The following CAPN1 variants were observed in gnomAD, a reference collection of about 807,000 sequenced individuals.
CAPN1 encodes the protein calpain 1, also known as calpain-1 catalytic subunit.
A neutral mutation model predicts 105.2 loss-of-function variants in CAPN1; 77 were observed. The ratio of observed to expected loss-of-function variants is 0.73; its 90% confidence interval spans 0.61 to 0.88. The LOEUF (loss-of-function observed/expected upper bound fraction) is 0.88, where lower values mean the gene tolerates loss of function less well. Ranked by LOEUF, CAPN1 falls within the 40% of genes least tolerant of loss-of-function variation. The probability of loss-of-function intolerance (pLI) is 0.00; values close to 1 mark genes in which losing one functional copy is unlikely to be tolerated. For synonymous variants in CAPN1, 355 were observed against 388.8 expected (o/e 0.91, Z 1.02); for missense variants, 833 against 976.6 (o/e 0.85, Z 1.96).
Position 65,208,429 on chromosome 11 carries a change from T to C in CAPN1, c.1729+167T>C. On this transcript the variant is annotated intron_variant, in intron 16 of 21. Transcript: ENST00000279247. The surrounding 1 kb of genome is among the most constrained non-coding windows in gnomAD (Gnocchi z 4.1). ...TGCCATTTCCATCCCATACTCCTCC[T>C]CCTGACCTGCCATCCTGATAATCCC... 4.4e-6 allele frequency: 3 copies of C among 678,648 alleles called. No individual in the cohort carries two copies. Among genetic ancestry groups the C allele is most frequent in the South Asian group, 3.5e-5 (2 of 57,754 alleles). 42.0% of individuals were successfully genotyped at this position (678,648 alleles called of 1,614,324 possible).
intron 14 of CAPN1, 66 bp downstream of exon 14, chr11:65,206,885 A>G: frequency 4.7e-6 from 7 of 1,490,228 alleles, no homozygotes; most frequent in Non-Finnish European, 6.4e-6. Context: ...TGTGATGGGG[A>G]CCCAGGTGTC....
chr11:65,186,097 G>A, intron 5 of CAPN1, 47 bp downstream of exon 5: 1 of 1,607,332 alleles, frequency 6.2e-7, no homozygotes, highest in Non-Finnish European at 8.5e-7. Context: ...CTCCCCCTAG[G>A]GGTGGGGGCT....
chr11:65,206,266 G>C (rs778892414), intron 12 of CAPN1, 197 bp from the exon 13 acceptor site: 3 of 601,714 alleles, frequency 5.0e-6, no homozygotes, highest in East Asian at 2.8e-5. Context: ...TCTGCAGTGA[G>C]TAGGGTTGTT....
rs1038317241 is a variant in CAPN1 at position 65,205,317 on chromosome 11, C to T, written c.1342-393C>T. On this transcript the variant is annotated intron_variant, in intron 11 of 21. Coordinates refer to ENST00000279247, the MANE Select transcript of CAPN1 (RefSeq NM_005186.4). ...TGCCCTGTATCTGCCCTGCTTCACA[C>T]ACTGCCCTCAAGACAGGGAGAGAAA... 3.3e-5 allele frequency among the ~76,000 whole-genome samples: 5 copies of T among 152,214 alleles called. No homozygotes were observed. In the South Asian group the frequency reaches 1.0e-3, roughly 32 times the overall value.
At chr11:65,183,277 C>A (rs1948574585) in intron 3 of CAPN1, 80 bp downstream of exon 3, 1 of 1,376,490 alleles carries the variant, frequency 7.3e-7, no homozygotes, top group Non-Finnish European at 1.0e-6. Flanking sequence ...TCTGCCCCAA[C>A]CCCTCCCTCT....
chr11:65,183,709 A>G, intron 4 of CAPN1, 117 bp downstream of exon 4: 1 of 692,464 alleles, frequency 1.4e-6, no homozygotes, highest in South Asian at 1.7e-5. Context: ...TCTAGCAGGT[A>G]TTTGACCTCT....
At chr11:65,187,768 T>G (rs1948656866) in intron 7 of CAPN1, 187 bp from the exon 8 acceptor site, 2 of 525,734 alleles carry the variant, frequency 3.8e-6, no homozygotes. Flanking sequence ...GTGCCTGTAA[T>G]TCCAGCTATT....
Position 65,209,365 on chromosome 11 carries a change from G to A in CAPN1, c.1772G>A (p.Arg591His), listed in dbSNP as rs190935218. 5.6e-5 allele frequency: 90 copies of A among 1,613,692 alleles called. No individual in the cohort carries two copies. The East Asian group carries it at 1.1e-3, about 20-fold the overall frequency. Reference protein sequence around the residue: ...RTKGFSLESCRSMVNLMDRDG... With the variant: ...RTKGFSLESCHSMVNLMDRDG... ...AAGGGCTTCAGCCTAGAGTCGTGCC[G>A]CAGCATGGTGAACCTCATGGATGTA... Residue 591 changes from arginine to histidine, a missense_variant, in exon 17 of 22, where the codon CGC becomes CAC. Transcript: ENST00000279247. The surrounding 1 kb of genome is among the most constrained non-coding windows in gnomAD (Gnocchi z 4.1).
rs1187462600 is a variant in CAPN1, at chr11:65,208,629, A to C, written c.1729+367A>C. 3 of 343,724 alleles carry C rather than the reference A, an allele frequency of 8.7e-6. No homozygotes were observed. The highest frequency in any genetic ancestry group is 1.7e-5 in the Non-Finnish European group (3 of 177,128). 21.3% of individuals were successfully genotyped at this position (343,724 alleles called of 1,614,324 possible). ...CCTGTCTCTGCAAAAAAGTACAAAAATTAGCTGGGCGTGGTGGCATGCACC... is the reference window on the plus strand; with the variant it reads ...CCTGTCTCTGCAAAAAAGTACAAAACTTAGCTGGGCGTGGTGGCATGCACC... On this transcript the variant is annotated intron_variant, in intron 16 of 21. Coordinates refer to ENST00000279247, the MANE Select transcript of CAPN1 (RefSeq NM_005186.4). The surrounding 1 kb of genome is among the most constrained non-coding windows in gnomAD (Gnocchi z 4.1).
chr11:65,187,456 C>T (rs1948651467), intron 7 of CAPN1, 158 bp downstream of exon 7: 2 of 616,584 alleles, frequency 3.2e-6, no homozygotes, highest in South Asian at 1.9e-5. Context: ...TCTGAGATGC[C>T]TATCATGTCC....
chr11:65,193,380 G>T (rs1288818296), intron 10 of CAPN1, among the ~76,000 whole-genome samples: 1 of 151,888 alleles, frequency 6.6e-6, no homozygotes, highest in Non-Finnish European at 1.5e-5. Context: ...AATCCTGCAA[G>T]AAGTTTGTCA....
rs142481423 is a variant in CAPN1, at chr11:65,202,368, C to T, written c.1166-2315C>T. Reference sequence around the variant, plus strand: ...CATACAAGTCACCTATTTAAAGTTGCAATTTAAATATACTATTAAATATAC... The same window carrying T: ...CATACAAGTCACCTATTTAAAGTTGTAATTTAAATATACTATTAAATATAC... On this transcript the variant is annotated intron_variant, in intron 10 of 21. Transcript: ENST00000279247. 3.0e-3 allele frequency among the ~76,000 whole-genome samples: 461 copies of T among 152,240 alleles called. 3 individuals carry two copies. The highest frequency in any genetic ancestry group is 0.011 in the African/African-American group (445 of 41,548).
At chr11:65,183,918 G>A (rs1361794607) in intron 4 of CAPN1, among the ~76,000 whole-genome samples, 4 of 152,146 alleles carry the variant, frequency 2.6e-5, no homozygotes, top group African/African-American at 7.2e-5. Context: ...AGGAGTGTTC[G>A]CTGGGGAAAA....
chr11:65,184,533 GT>G (rs1948604527), intron 4 of CAPN1, among the ~76,000 whole-genome samples: 1 of 151,102 alleles, frequency 6.6e-6, no homozygotes, highest in African/African-American at 2.4e-5. Flanking sequence ...CGAGTCCTTG[GT>G]CGCTTCTGAC....
Position 65,209,764 on chromosome 11 carries a change from C to T in CAPN1, c.1795-85C>T, listed in dbSNP as rs1037568408. ...CCAGCCCCAAGTCGACTTGCCGGCT[C>T]GGCGGCCATCTCCCCTTCTGCACAG... On this transcript the variant is annotated intron_variant, in intron 17 of 21. Transcript: ENST00000279247. This position sits in a 1 kb window ranked among gnomAD's most constrained non-coding sequence, Gnocchi z 4.1. 65 of 1,354,256 alleles carry T rather than the reference C, an allele frequency of 4.8e-5. No individual in the cohort carries two copies. The highest frequency in any genetic ancestry group is 1.9e-4 in the African/African-American group (13 of 69,568). The allele number at this position is 1,354,256 out of a possible 1,614,324, so 83.9% of individuals were successfully genotyped here. A position where few individuals can be genotyped will look rare whatever the true frequency, so the allele number is the denominator to read the frequency against.
intron 2 of CAPN1, 23 bp downstream of exon 2, chr11:65,182,991 G>A: frequency 6.2e-7 from 1 of 1,612,748 alleles, no homozygotes; most frequent in Non-Finnish European, 8.5e-7. Flanking sequence ...ATCCTGGGTG[G>A]GACTCGGCTA....
chr11:65,198,300 A>G (rs921954575), intron 10 of CAPN1, among the ~76,000 whole-genome samples: 1 of 152,034 alleles, frequency 6.6e-6, no homozygotes, highest in Non-Finnish European at 1.5e-5. Flanking sequence ...GCACACCACC[A>G]TGCCTGGCTA....
Position 65,186,668 on chromosome 11 carries a change from G to A in CAPN1, c.759+330G>A, listed in dbSNP as rs140268501. Among the ~76,000 whole-genome samples, 318 of 151,986 alleles carry A rather than the reference G, an allele frequency of 2.1e-3. 2 individuals carry two copies. The highest frequency in any genetic ancestry group is 7.2e-3 in the African/African-American group (298 of 41,432). On this transcript the variant is annotated intron_variant, in intron 6 of 21. Transcript: ENST00000279247. ...CACCAGCCTCAGATTTCATCTCCTGGTCTCAGTTCCCACCCATCCCTAGCC... is the reference window on the plus strand; with the variant it reads ...CACCAGCCTCAGATTTCATCTCCTGATCTCAGTTCCCACCCATCCCTAGCC...
In CAPN1 at chr11:65,209,383, T is replaced by C. The variant is rs1315147313; in HGVS notation, c.1790T>C (p.Met597Thr). ...LESCRSMVNLMDRDGNGKLGL... is the reference protein window; with the variant it reads ...LESCRSMVNLTDRDGNGKLGL... ...TCGTGCCGCAGCATGGTGAACCTCA[T>C]GGATGTATCCTTCCGTTTGCTTTTG... The change falls in exon 17 of 22, where the codon ATG becomes ACG. Residue 597 changes from methionine (M) to threonine (T), a missense_variant. Transcript: ENST00000279247. This position sits in a 1 kb window ranked among gnomAD's most constrained non-coding sequence, Gnocchi z 4.1. The C allele has an allele frequency of 1.2e-6, 2 of 1,613,468 alleles. No homozygotes were observed. The highest frequency in any genetic ancestry group is 1.7e-6 in the Non-Finnish European group (2 of 1,179,548).
Sources: allele counts gnomAD v4.1 joint callset (sites outside exome capture counted in the v4.1 genomes callset), GRCh38; gene constraint gnomAD v4.1.1; non-coding constraint Gnocchi (gnomAD v3.1); transcripts MANE v1.5; gene names NCBI Gene and HGNC (gene_info 2026-07-23, HGNC 2026-07-21).